NRXN3: variants seen among roughly 807,000 people sequenced by gnomAD.
NRXN3 encodes the protein neurexin 3, also known as neurexin III.
NRXN3 carries 32 observed loss-of-function variants against 137.6 expected under a neutral mutation model. The observed-to-expected ratio is 0.23, with a 90% CI of 0.18 to 0.31. The LOEUF (loss-of-function observed/expected upper bound fraction) is 0.31. NRXN3 is among the 10% of genes least tolerant of loss of function. NRXN3 has a pLI of 1.00. For synonymous variants in NRXN3, 798 were observed against 784.5 expected (o/e 1.02, Z -0.29); for missense variants, 1,574 against 2,062.5 (o/e 0.76, Z 4.59).
intron 17 of NRXN3, among the ~76,000 whole-genome samples, chr14:79,681,670 A>G (rs2154013851): frequency 6.6e-6 from 1 of 152,194 alleles, no homozygotes; most frequent in Non-Finnish European, 1.5e-5. Context: ...GGGTGAAAAG[A>G]TAGATTCAAA....
At chr14:79,169,432 C>T (rs962774177) in intron 15 of NRXN3, among the ~76,000 whole-genome samples, 10 of 152,106 alleles carry the variant, frequency 6.6e-5, no homozygotes, top group African/African-American at 2.4e-4. Context: ...ATATATCTTG[C>T]CAATCTATCA....
At chr14:78,958,034 T>C (rs154343) in intron 11 of NRXN3, among the ~76,000 whole-genome samples, 46,302 of 151,998 alleles carry the variant, frequency 0.3, 11,304 homozygotes, top group African/African-American at 0.67. Flanking sequence ...ATGTCAGCAG[T>C]ATGCTAGAAT....
intron 2 of NRXN3, among the ~76,000 whole-genome samples, chr14:78,251,589 TCACAGA>T (rs1342683822): frequency 2.0e-5 from 3 of 152,166 alleles, no homozygotes; most frequent in African/African-American, 7.2e-5. Context: ...TGACCATTCA[TCACAGA>T]CACATTTTCT....
chr14:78,696,513 T>C (rs1449010828), intron 6 of NRXN3, among the ~76,000 whole-genome samples: 1 of 152,070 alleles, frequency 6.6e-6, no homozygotes, highest in Non-Finnish European at 1.5e-5. Context: ...CCTGTCTAGA[T>C]CACACAGTAA....
intron 15 of NRXN3, among the ~76,000 whole-genome samples, chr14:79,414,544 T>C (rs1456565458): frequency 7.9e-5 from 12 of 152,146 alleles, no homozygotes; most frequent in Admixed American, 6.6e-4. Context: ...AGAGAGTATT[T>C]CTTTCCCCAT....
chr14:79,273,410 G>A (rs907645016), intron 15 of NRXN3, among the ~76,000 whole-genome samples: 13 of 151,782 alleles, frequency 8.6e-5, no homozygotes, highest in African/African-American at 1.2e-4. Flanking sequence ...CAAGACGAGC[G>A]GATCACGAGG....
At chr14:78,875,371 T>A (rs1256666861) in intron 10 of NRXN3, among the ~76,000 whole-genome samples, 1 of 152,218 alleles carries the variant, frequency 6.6e-6, no homozygotes, top group East Asian at 1.9e-4. Context: ...AACAGCATGA[T>A]AGTTTCTTGA....
At chr14:78,694,736 T>C (rs996457179) in intron 6 of NRXN3, among the ~76,000 whole-genome samples, 1 of 151,878 alleles carries the variant, frequency 6.6e-6, no homozygotes, top group African/African-American at 2.4e-5. Context: ...TAGGAGTGGA[T>C]TACTAGTATT....
intron 15 of NRXN3, among the ~76,000 whole-genome samples, chr14:79,157,502 C>T (rs745704321): frequency 1.8e-4 from 27 of 151,888 alleles, no homozygotes; most frequent in Admixed American, 7.2e-4. Flanking sequence ...TTGTGTCTCA[C>T]TTTTGTGTTG....
intron 10 of NRXN3, among the ~76,000 whole-genome samples, chr14:78,842,772 T>C (rs2099016205): frequency 6.6e-6 from 1 of 152,124 alleles, no homozygotes; most frequent in Non-Finnish European, 1.5e-5. Context: ...TGCATTCTCT[T>C]TCTCAGGGAT....
chr14:78,266,918 T>C (rs2071843560), intron 2 of NRXN3, among the ~76,000 whole-genome samples: 2 of 152,184 alleles, frequency 1.3e-5, no homozygotes, highest in African/African-American at 4.8e-5. Context: ...GACTTTCTTC[T>C]GGGGTTCCCC....
rs1296037210 is a variant in NRXN3, at chr14:79,806,938, TTATA to T, written c.4093+1770_4093+1773del. Among the ~76,000 whole-genome samples the T allele has an allele frequency of 8.4e-3, 490 of 58,056 alleles. 6 individuals are homozygous for T. The highest frequency in any genetic ancestry group is 0.016 in the Middle Eastern group (1 of 62). 38.1% of individuals were successfully genotyped at this position (58,056 alleles called of 152,430 possible). On this transcript the variant is annotated intron_variant, in intron 20 of 20. Transcript: ENST00000335750. The stretch of plus-strand genomic sequence containing the variant: ...CCTTTAAGAAATCTAGGCTTTAATT[TTATA>T]TATATATATATATATATATATTTTT...
intron 1 of NRXN3, among the ~76,000 whole-genome samples, chr14:78,229,935 G>C (rs563761126): frequency 6.6e-6 from 1 of 152,166 alleles, no homozygotes; most frequent in African/African-American, 2.4e-5. Context: ...CTGGGTCACT[G>C]TTCCCTCTCC....
intron 4 of NRXN3, among the ~76,000 whole-genome samples, chr14:78,346,351 C>T (rs1407099474): frequency 2.0e-5 from 3 of 152,164 alleles, no homozygotes; most frequent in Non-Finnish European, 4.4e-5. Flanking sequence ...GGCCTGGTCT[C>T]CTCCCTACCT....
At chr14:79,774,359 C>T (rs1281540960) in intron 19 of NRXN3, among the ~76,000 whole-genome samples, 1 of 152,132 alleles carries the variant, frequency 6.6e-6, no homozygotes, top group Non-Finnish European at 1.5e-5. Context: ...TAATATCATC[C>T]AGCACTCTGC....
intron 15 of NRXN3, among the ~76,000 whole-genome samples, chr14:79,150,115 T>C (rs985480438): frequency 2.0e-5 from 3 of 152,098 alleles, no homozygotes; most frequent in East Asian, 1.9e-4. Context: ...GTCTTGCCCT[T>C]GCATGTGGTT....
chr14:78,880,824 A>G (rs2099127129), intron 10 of NRXN3, among the ~76,000 whole-genome samples: 2 of 152,198 alleles, frequency 1.3e-5, no homozygotes, highest in Non-Finnish European at 2.9e-5. Context: ...AAGAACCTTT[A>G]CAGGCATTAT....
At chr14:79,082,077 T>TATGTTTCATACATATATATATAC (rs1555726204) in intron 15 of NRXN3, among the ~76,000 whole-genome samples, 6 of 151,342 alleles carry the variant, frequency 4.0e-5, no homozygotes, top group South Asian at 2.1e-4. Context: ...CATATATATA[T>TATGTTTCATACATATATATATAC]ACATATATAC....
intron 10 of NRXN3, among the ~76,000 whole-genome samples, chr14:78,893,294 C>T (rs2099164497): frequency 6.6e-6 from 1 of 151,968 alleles, no homozygotes; most frequent in Non-Finnish European, 1.5e-5. Flanking sequence ...TGGTTTATTC[C>T]TTTAAAAAAT....
Sources: gnomAD v4.1 joint callset for allele counts (sites outside exome capture counted in the v4.1 genomes callset) on GRCh38, gnomAD v4.1.1 for gene constraint, MANE v1.5 for transcripts, NCBI Gene and HGNC (gene_info 2026-07-23, HGNC 2026-07-21) for gene names.